Variants in GSDME observed in about 807,000 individuals in gnomAD.
GSDME encodes the protein gasdermin E.
In GSDME, 44 loss-of-function variants were observed where a neutral mutation model predicts 47.5. The ratio of observed to expected loss-of-function variants is 0.93; its 90% CI spans 0.73 to 1.19. The LOEUF (loss-of-function observed/expected upper bound fraction) is 1.19. GSDME is among the 50% of genes most tolerant of loss of function. The probability of loss-of-function intolerance (pLI) is 0.00; values close to 1 mark genes in which losing one functional copy is unlikely to be tolerated. For missense variants in GSDME, 663 were observed against 604.2 expected (o/e 1.10, Z -1.02); for synonymous variants, 258 against 252.8 (o/e 1.02, Z -0.20).
intron 2 of GSDME, among the ~76,000 whole-genome samples, chr7:24,746,370 A>T (rs1790669933): frequency 6.6e-6 from 1 of 152,160 alleles, no homozygotes. Context: ...GGTAACATTC[A>T]TTTCCCTGAA....
At chr7:24,699,989 A>G (rs1788797949) in intron 9 of GSDME, among the ~76,000 whole-genome samples, 1 of 152,168 alleles carries the variant, frequency 6.6e-6, no homozygotes, top group Non-Finnish European at 1.5e-5. Flanking sequence ...TCCTTCTTCC[A>G]AATTTCCCTG....
the GSDME span, among the ~76,000 whole-genome samples, chr7:24,794,851 C>G: frequency 2.0e-5 from 3 of 152,192 alleles, no homozygotes; most frequent in African/African-American, 7.2e-5. Context: ...CAGCAATTCA[C>G]ACTAAAACCA....
In GSDME at chr7:24,757,245, C is replaced by G. The variant is rs559987014; in HGVS notation, c.-20+151G>C. 3.5e-4 allele frequency among the ~76,000 whole-genome samples: 53 copies of G among 152,022 alleles called. No individual in the cohort carries two copies. Among genetic ancestry groups the G allele is most frequent in the Admixed American group, 2.8e-3 (43 of 15,296 alleles). ...GCGGCCGGGCAGCCAATCGATTCGT[C>G]TCCCCTAGGAAGGAGCGAGGGGAGG... On this transcript the variant is annotated intron_variant, in intron 1 of 9. Transcript: ENST00000645220. This position sits in a 1 kb window ranked among gnomAD's most constrained non-coding sequence, Gnocchi z 5.9.
chr7:24,721,631 T>C lies in GSDME; in HGVS notation c.405-2413A>G, dbSNP rs181954146. Among the ~76,000 whole-genome samples, 9 of 152,286 alleles carry C rather than the reference T, an allele frequency of 5.9e-5. No homozygotes were observed. Among genetic ancestry groups the C allele is most frequent in the Non-Finnish European group, 4.4e-5 (3 of 68,014 alleles). On this transcript the variant is annotated intron_variant, in intron 3 of 9. Transcript: ENST00000645220. This position sits in a 1 kb window ranked among gnomAD's most constrained non-coding sequence, Gnocchi z 4.1. Reference sequence around the variant, plus strand: ...ACAGAGTTAAATGCCACACAAACACTAGCTGGCTCCGCCCACCTTCCCGTG... The same window carrying C: ...ACAGAGTTAAATGCCACACAAACACCAGCTGGCTCCGCCCACCTTCCCGTG...
At chr7:24,793,130 C>T in the GSDME span, among the ~76,000 whole-genome samples, 7 of 152,126 alleles carry the variant, frequency 4.6e-5, 1 homozygote, top group Admixed American at 4.6e-4. Flanking sequence ...AGCTAAATTT[C>T]ACCTTTATAT....
At chr7:24,795,481 A>G in the GSDME span, among the ~76,000 whole-genome samples, 4 of 152,106 alleles carry the variant, frequency 2.6e-5, no homozygotes, top group African/African-American at 9.7e-5. Flanking sequence ...GTCCCTTTAC[A>G]ACTAAGGGGG....
At chr7:24,700,296 T>C (rs903994607) in intron 9 of GSDME, among the ~76,000 whole-genome samples, 4 of 152,140 alleles carry the variant, frequency 2.6e-5, no homozygotes, top group Non-Finnish European at 4.4e-5. Context: ...ATTCCACTGC[T>C]CAACACATAC....
Position 24,726,057 on chromosome 7 carries a change from A to G in GSDME, c.405-6839T>C, listed in dbSNP as rs1339483349. Reference sequence around the variant, plus strand: ...CGGCAGGCAGAGATGGAGGGAGGGAAGCGTGGCTCAGAGCCCAGCGTGGTT... The same window carrying G: ...CGGCAGGCAGAGATGGAGGGAGGGAGGCGTGGCTCAGAGCCCAGCGTGGTT... On this transcript the variant is annotated intron_variant, in intron 3 of 9. Transcript: ENST00000645220. The surrounding 1 kb of genome is among the most constrained non-coding windows in gnomAD (Gnocchi z 5.6). Among the ~76,000 whole-genome samples, 2 of 152,114 alleles carry G rather than the reference A, an allele frequency of 1.3e-5. No individual in the cohort carries two copies.
At position 24,714,738 on chromosome 7, in the gene GSDME, A is replaced by G. The variant is rs1332854738; in HGVS notation, c.697+2516T>C. 6.6e-6 allele frequency among the ~76,000 whole-genome samples: 1 copy of G among 152,184 alleles called. No homozygotes were observed. Among genetic ancestry groups the G allele is most frequent in the African/African-American group, 2.4e-5 (1 of 41,458 alleles). The stretch of plus-strand genomic sequence containing the variant: ...AAACCCCATCTGAGAAAGAGAGGCT[A>G]CCTCCACAGAGCTGCGTCAGGGCAG... On this transcript the variant is annotated intron_variant, in intron 5 of 9. Coordinates refer to ENST00000645220, the MANE Select transcript of GSDME (RefSeq NM_001127453.2). This position sits in a 1 kb window ranked among gnomAD's most constrained non-coding sequence, Gnocchi z 5.0.
rs747301442 is a variant in GSDME at position 24,702,682 on chromosome 7, A to G, written c.1257+78T>C. 2.4e-6 allele frequency: 3 copies of G among 1,237,670 alleles called. No homozygotes were observed. In the Admixed American group the frequency reaches 5.1e-5, roughly 21 times the overall value. The allele number at this position is 1,237,670 out of a possible 1,614,324, so 76.7% of individuals were successfully genotyped here. ...TTGTGGTAAGTCCTAGAGGTGTTTT[A>G]CCGGCTGCTGGATGTCTACCCCCTC... On this transcript the variant is annotated intron_variant, in intron 9 of 9. Coordinates refer to ENST00000645220, the MANE Select transcript of GSDME (RefSeq NM_001127453.2).
At position 24,756,622 on chromosome 7, in the gene GSDME, C is replaced by G. The variant is rs1791026046; in HGVS notation, c.-20+774G>C. ...TCCATCCCTTTCATTATCCCATTCA[C>G]TATTCTGGACAGAGTAGACTCTGGA... On this transcript the variant is annotated intron_variant, in intron 1 of 9. Coordinates refer to ENST00000645220, the MANE Select transcript of GSDME (RefSeq NM_001127453.2). This position sits in a 1 kb window ranked among gnomAD's most constrained non-coding sequence, Gnocchi z 4.2. Among the ~76,000 whole-genome samples, 1 of 152,226 alleles carries G rather than the reference C, an allele frequency of 6.6e-6. No homozygotes were observed. Among genetic ancestry groups the G allele is most frequent in the Admixed American group, 6.5e-5 (1 of 15,282 alleles).
At chr7:24,762,867 C>T (rs570102641), upstream of GSDME, among the ~76,000 whole-genome samples, 1 of 152,214 alleles carries the variant, frequency 6.6e-6, no homozygotes, top group Non-Finnish European at 1.5e-5. Flanking sequence ...GGAGGAAGAA[C>T]CACAGTCCTC....
chr7:24,750,598 G>A (rs1231911065), intron 1 of GSDME, among the ~76,000 whole-genome samples: 1 of 152,200 alleles, frequency 6.6e-6, no homozygotes, highest in Non-Finnish European at 1.5e-5. Context: ...GGGTGACAGT[G>A]CAAGATTTTG....
the GSDME span, among the ~76,000 whole-genome samples, chr7:24,793,860 T>C: frequency 2.7e-3 from 406 of 152,268 alleles, 1 homozygote; most frequent in African/African-American, 9.4e-3. Context: ...TTAAAAGTTA[T>C]TTTTCTACTT....
chr7:24,718,938 CTTGCT>C, intron 4 of GSDME, 104 bp downstream of exon 4: 1 of 1,270,874 alleles, frequency 7.9e-7, no homozygotes, highest in South Asian at 1.2e-5. Flanking sequence ...TTTCTGTTAA[CTTGCT>C]ACGGAAAGAG....
At chr7:24,778,739 C>T in the GSDME span, among the ~76,000 whole-genome samples, 1 of 152,190 alleles carries the variant, frequency 6.6e-6, no homozygotes, top group Non-Finnish European at 1.5e-5. This position sits in a 1 kb window ranked among gnomAD's most constrained non-coding sequence, Gnocchi z 5.6. Flanking sequence ...AAAGGGCCAA[C>T]ACAGAAGCTG....
the GSDME span, among the ~76,000 whole-genome samples, chr7:24,795,533 C>T: frequency 1.3e-5 from 2 of 152,074 alleles, no homozygotes; most frequent in African/African-American, 2.4e-5. Context: ...AGCAGGGGTA[C>T]GTGACTGGGG....
At chr7:24,755,232 G>T (rs898633459) in intron 1 of GSDME, among the ~76,000 whole-genome samples, 2 of 152,170 alleles carry the variant, frequency 1.3e-5, no homozygotes, top group Non-Finnish European at 2.9e-5. Context: ...TGAAAACAAG[G>T]CTTCTCTGTA....
chr7:24,707,679 A>T, intron 7 of GSDME: 1 of 313,388 alleles, frequency 3.2e-6, no homozygotes, highest in East Asian at 8.1e-5. Flanking sequence ...ACAGTAAAGG[A>T]GAAGACACAC....
Sources: allele counts gnomAD v4.1 joint callset (sites outside exome capture counted in the v4.1 genomes callset), GRCh38; gene constraint gnomAD v4.1.1; non-coding constraint Gnocchi (gnomAD v3.1); transcripts MANE v1.5; gene names NCBI Gene and HGNC (gene_info 2026-07-23, HGNC 2026-07-21).